The following FAM98C variants were observed in gnomAD, a reference collection of about 807,000 sequenced individuals.
The protein encoded by FAM98C is tRNA splicing ligase complex subunit 3C, also known as protein FAM98C.
FAM98C carries 38 observed loss-of-function variants against 41.1 expected under a neutral mutation model. The observed-to-expected ratio is 0.92, with a 90% CI of 0.71 to 1.21. FAM98C has a LOEUF of 1.21. Among genes scored for constraint, FAM98C ranks in the 50% most tolerant of loss-of-function variants. FAM98C has a pLI of 0.00. For missense variants in FAM98C, 493 were observed against 484.7 expected, an observed-to-expected ratio of 1.02 and a Z score of -0.16; for synonymous variants, 195 against 216.7, an observed-to-expected ratio of 0.90 and a Z score of 0.88.
intron 3 of FAM98C, 58 bp downstream of exon 3, chr19:38,403,752 C>G (rs1473113425): frequency 6.6e-6 from 9 of 1,356,434 alleles, no homozygotes; most frequent in Non-Finnish European, 8.5e-6. Flanking sequence ...CGGGCTCTGA[C>G]TTTTTAGGGG....
chr19:38,403,667 G>C lies in FAM98C; in HGVS notation c.322G>C (p.Glu108Gln), dbSNP rs150024474. 7 of 1,415,060 alleles carry C rather than the reference G, an allele frequency of 4.9e-6. No homozygotes were observed. Among genetic ancestry groups the C allele is most frequent in the African/African-American group, 4.5e-5 (3 of 66,800 alleles). The allele number at this position is 1,415,060 out of a possible 1,614,324, so 87.7% of individuals were successfully genotyped here. A position where few individuals can be genotyped will look rare whatever the true frequency, so the allele number is the denominator to read the frequency against. ...CGGDGAAALR[E>Q]PGAGLRLLRF... ...CGGGGATGGCGCGGCTGCGCTTCGG[G>C]AACCCGGTGCCGGACTGCGCCTGCT... The change falls in exon 3 of 8, where the codon GAA (glutamate) becomes CAA (glutamine). Residue 108 changes from glutamate to glutamine, a missense_variant. By Grantham distance (29) the Glu-to-Gln change is conservative. Coordinates refer to ENST00000252530, the MANE Select transcript of FAM98C (RefSeq NM_174905.4).
rs552370895 is a variant in FAM98C, at chr19:38,407,088, G to A, written c.918+11G>A. On this transcript the variant is annotated intron_variant, in intron 7 of 7. Coordinates refer to ENST00000252530, the MANE Select transcript of FAM98C (RefSeq NM_174905.4). ...TGTGCCATCAACAAGGTGGGCATCT[G>A]GGGTAGGGAAGGGCCCTGGCATCCT... The A allele has an allele frequency of 1.9e-6, 3 of 1,611,436 alleles. No homozygotes were observed. In the East Asian group the frequency reaches 6.7e-5, roughly 36 times the overall value.
In FAM98C at chr19:38,408,904, C is replaced by CG. The variant is rs772121849; in HGVS notation, c.*28dup. 41 of 1,529,606 alleles carry CG rather than the reference C, an allele frequency of 2.7e-5. No homozygotes were observed. The highest frequency in any genetic ancestry group is 7.0e-5 in the African/African-American group (5 of 71,400). 94.8% of individuals were successfully genotyped at this position (1,529,606 alleles called of 1,614,324 possible). ...GTAAAGGGGGACTGGTGGTCGGGGG[C>CG]GGGGGGTCCTCCATGAGATGCTAAT... On this transcript the variant is annotated 3_prime_UTR_variant, in exon 8 of 8. Coordinates refer to ENST00000252530, the MANE Select transcript of FAM98C (RefSeq NM_174905.4).
At chr19:38,405,273 G>A (rs922663557) in intron 4 of FAM98C, 71 bp from the exon 5 acceptor site, 5 of 1,564,662 alleles carry the variant, frequency 3.2e-6, no homozygotes, top group South Asian at 1.1e-5. Context: ...CCTCAGGGGT[G>A]TGGGGAGCTG....
Position 38,407,198 on chromosome 19 carries a change from TAGA to T in FAM98C, c.918+124_918+126del, listed in dbSNP as rs898403764. 20 of 1,181,022 alleles carry T rather than the reference TAGA, an allele frequency of 1.7e-5. No individual in the cohort carries two copies. In the Admixed American group the frequency reaches 3.9e-4, roughly 23 times the overall value. 73.2% of individuals were successfully genotyped at this position (1,181,022 alleles called of 1,614,324 possible). A position where few individuals can be genotyped will look rare whatever the true frequency, so the allele number is the denominator to read the frequency against. ...TAATCCACCCACTAGACATGGCAGC[TAGA>T]AGGACCTCGCTCACACAAAAACTGA... On this transcript the variant is annotated intron_variant, in intron 7 of 7. Coordinates refer to ENST00000252530, the MANE Select transcript of FAM98C (RefSeq NM_174905.4).
chr19:38,407,477 T>G lies in FAM98C; in HGVS notation c.918+400T>G, dbSNP rs573738991. On this transcript the variant is annotated intron_variant, in intron 7 of 7. Coordinates refer to ENST00000252530, the MANE Select transcript of FAM98C (RefSeq NM_174905.4). Reference sequence around the variant, plus strand: ...CCTCCACCTCCCGGGTTCAAGCGATTCTCCTGCCTCAGCCTACCGAGTAGC... The same window carrying G: ...CCTCCACCTCCCGGGTTCAAGCGATGCTCCTGCCTCAGCCTACCGAGTAGC... 1.1e-4 allele frequency: 19 copies of G among 177,620 alleles called. No homozygotes were observed. The South Asian group carries it at 1.7e-3, about 16-fold the overall frequency. The allele number at this position is 177,620 out of a possible 1,614,324, so 11.0% of individuals were successfully genotyped here. A position where few individuals can be genotyped will look rare whatever the true frequency, so the allele number is the denominator to read the frequency against.
intron 3 of FAM98C, 44 bp from the exon 4 acceptor site, chr19:38,404,864 G>T (rs779102161): frequency 6.2e-7 from 1 of 1,607,434 alleles, no homozygotes; most frequent in East Asian, 2.2e-5. Context: ...GGATGAGTGG[G>T]TAGCAGCCTC....
chr19:38,408,741 A>G lies in FAM98C; in HGVS notation c.919-10A>G. 2 of 1,614,028 alleles carry G rather than the reference A, an allele frequency of 1.2e-6. No individual in the cohort carries two copies. The highest frequency in any genetic ancestry group is 1.7e-6 in the Non-Finnish European group (2 of 1,179,982). On this transcript the variant is annotated splice_polypyrimidine_tract_variant and intron_variant, in intron 7 of 7. Coordinates refer to ENST00000252530, the MANE Select transcript of FAM98C (RefSeq NM_174905.4). Reference sequence around the variant, plus strand: ...TTTTTCTCTGCAACTCAAATCTCATAAACTCTCAGGTGCTTATGGGCAACG... The same window carrying G: ...TTTTTCTCTGCAACTCAAATCTCATGAACTCTCAGGTGCTTATGGGCAACG...
intron 7 of FAM98C, 25 bp downstream of exon 7, chr19:38,407,102 C>T: frequency 1.2e-6 from 2 of 1,606,684 alleles, no homozygotes; most frequent in Non-Finnish European, 1.7e-6. Context: ...TAGGGAAGGG[C>T]CCTGGCATCC....
intron 6 of FAM98C, chr19:38,405,859 A>ATTT (rs1002148694): frequency 9.4e-5 from 37 of 392,658 alleles, no homozygotes; most frequent in South Asian, 1.8e-4. Flanking sequence ...ATACCCCATC[A>ATTT]TTTTTTTTTT....
Position 38,405,367 on chromosome 19 carries a change from GC to G in FAM98C, c.584del (p.Pro195GlnfsTer12), listed in dbSNP as rs768502589. The part of the protein sequence containing the change: ...AKISELQPSL[P>X]PGSLQPLLSC... ...AGATCTCAGAGCTGCAGCCTTCTCT[GC>G]CCCCAGGGTCCCTGCAGCCCCTCCT... On this transcript the variant is annotated frameshift_variant, in exon 5 of 8. Transcript: ENST00000252530. LOFTEE classifies it high-confidence loss of function. The G allele has an allele frequency of 5.0e-6, 8 of 1,613,820 alleles. No homozygotes were observed. In the East Asian group the frequency reaches 1.8e-4, roughly 36 times the overall value.
chr19:38,403,697 G>T lies in FAM98C; in HGVS notation c.349+3G>T. On this transcript the variant is annotated splice_donor_region_variant and intron_variant, in intron 3 of 7. Coordinates refer to ENST00000252530, the MANE Select transcript of FAM98C (RefSeq NM_174905.4). Reference sequence around the variant, plus strand: ...CGGTGCCGGACTGCGCCTGCTGCGTGAGTCCCGGGATGCAGAAGTGGCAAG... The same window carrying T: ...CGGTGCCGGACTGCGCCTGCTGCGTTAGTCCCGGGATGCAGAAGTGGCAAG... 1 of 1,405,114 alleles carries T rather than the reference G, an allele frequency of 7.1e-7. No individual in the cohort carries two copies. Among genetic ancestry groups the T allele is most frequent in the East Asian group, 2.9e-5 (1 of 34,446 alleles). 87.0% of individuals were successfully genotyped at this position (1,405,114 alleles called of 1,614,324 possible).
Position 38,405,414 on chromosome 19 carries a change from C to T in FAM98C, c.626C>T (p.Pro209Leu), listed in dbSNP as rs1328248571. The T allele has an allele frequency of 4.3e-6, 7 of 1,614,114 alleles. No individual in the cohort carries two copies. Among genetic ancestry groups the T allele is most frequent in the Non-Finnish European group, 5.9e-6 (7 of 1,180,016 alleles). Residue 209 changes from proline to leucine, a missense_variant, in exon 5 of 8, where the codon CCC becomes CTC. Physicochemically the swap from Pro to Leu is moderately conservative, Grantham distance 98. Transcript: ENST00000252530. Reference protein sequence around the residue: ...QPLLSCSLDAPRWEALESLSQ... With the variant: ...QPLLSCSLDALRWEALESLSQ... ...CTCCTCAGCTGCTCGCTAGATGCAC[C>T]CAGATGGGTAAGACTGTGTGCGACT...
chr19:38,403,817 G>T (rs1971001535), intron 3 of FAM98C, 123 bp downstream of exon 3: 1 of 1,179,482 alleles, frequency 8.5e-7, no homozygotes, highest in South Asian at 3.0e-5. Flanking sequence ...CAGAGGGTAC[G>T]AGGTGGGTGG....
At chr19:38,408,035 T>G (rs1343231057) in intron 7 of FAM98C, 1 of 151,570 alleles carries the variant, frequency 6.6e-6, no homozygotes, top group Non-Finnish European at 1.5e-5. Context: ...TTTTAGTGAT[T>G]AGGTATCTAG....
At chr19:38,404,867 G>C in intron 3 of FAM98C, 41 bp from the exon 4 acceptor site, 1 of 1,608,756 alleles carries the variant, frequency 6.2e-7, no homozygotes, top group African/African-American at 1.3e-5. Context: ...TGAGTGGGTA[G>C]CAGCCTCCCT....
chr19:38,408,809 T>C lies in FAM98C; in HGVS notation c.977T>C (p.Met326Thr). 1 of 1,613,232 alleles carries C rather than the reference T, an allele frequency of 6.2e-7. No individual in the cohort carries two copies. Among genetic ancestry groups the C allele is most frequent in the Non-Finnish European group, 8.5e-7 (1 of 1,179,698 alleles). The part of the protein sequence containing the change: ...GGRPNELEPP[M>T]PTWRSRREDG... ...CGCCCAAATGAGCTGGAGCCTCCCA[T>C]GCCCACCTGGAGGAGCCGAAGAGAG... Residue 326 changes from methionine to threonine, a missense_variant, in exon 8 of 8, where the codon ATG (methionine) becomes ACG (threonine). Met to Thr is a moderately conservative substitution (Grantham distance 81). Coordinates refer to ENST00000252530, the MANE Select transcript of FAM98C (RefSeq NM_174905.4).
chr19:38,403,360 G>A lies in FAM98C; in HGVS notation c.88G>A (p.Ala30Thr). 3.4e-6 allele frequency: 5 copies of A among 1,469,128 alleles called. No homozygotes were observed. Among genetic ancestry groups the A allele is most frequent in the Non-Finnish European group, 4.4e-6 (5 of 1,125,166 alleles). 91.0% of individuals were successfully genotyped at this position (1,469,128 alleles called of 1,614,324 possible). A position where few individuals can be genotyped will look rare whatever the true frequency, so the allele number is the denominator to read the frequency against. Reference sequence around the variant, plus strand: ...CAGGTATGGAGGTGTCCCGGGGGCGGCGTCGCGGGGCGCCTCATGCCCAGA... The same window carrying A: ...CAGGTATGGAGGTGTCCCGGGGGCGACGTCGCGGGGCGCCTCATGCCCAGA... Reference protein sequence around the residue: ...ALGYGGVPGAASRGASCPDFR... With the variant: ...ALGYGGVPGATSRGASCPDFR... The change falls in exon 2 of 8, where the codon GCG becomes ACG. Residue 30 changes from alanine (A) to threonine (T), a missense_variant. Physicochemically the swap from Ala to Thr is moderately conservative, Grantham distance 58. Transcript: ENST00000252530.
chr19:38,405,511 T>C lies in FAM98C; in HGVS notation c.634-8T>C. 1 of 1,614,120 alleles carries C rather than the reference T, an allele frequency of 6.2e-7. No homozygotes were observed. The highest frequency in any genetic ancestry group is 8.5e-7 in the Non-Finnish European group (1 of 1,180,034). Reference sequence around the variant, plus strand: ...CCCCTAGCCTGACCTTGAGACCTTTTCTCCCAGGAAGCGTTGGAGTCTCTG... The same window carrying C: ...CCCCTAGCCTGACCTTGAGACCTTTCCTCCCAGGAAGCGTTGGAGTCTCTG... On this transcript the variant is annotated splice_region_variant and splice_polypyrimidine_tract_variant and intron_variant, in intron 5 of 7. Transcript: ENST00000252530.
Sources: gnomAD v4.1 joint callset for allele counts on GRCh38, gnomAD v4.1.1 for gene constraint, MANE v1.5 for transcripts, NCBI Gene and HGNC (gene_info 2026-07-23, HGNC 2026-07-21) for gene names.